Variants in CEP112 observed in about 807,000 individuals in gnomAD.
CEP112 encodes centrosomal protein 112, also known as centrosomal protein of 112 kDa.
In CEP112, 127 loss-of-function variants were observed where a neutral mutation model predicts 153.0. That is an observed-to-expected ratio of 0.83 (90% confidence interval 0.72 to 0.96). CEP112 has a LOEUF of 0.96. CEP112 is among the 40% of genes least tolerant of loss of function. The pLI is 0.00. For missense variants in CEP112, 1,089 were observed against 1,101.2 expected (o/e 0.99, Z 0.16); for synonymous variants, 358 against 374.4 (o/e 0.96, Z 0.51).
intron 16 of CEP112, among the ~76,000 whole-genome samples, chr17:66,024,937 TA>T (rs1222089287): frequency 6.6e-6 from 1 of 151,576 alleles, no homozygotes; most frequent in African/African-American, 2.4e-5. Flanking sequence ...GGAACTGGCA[TA>T]AAAATAGATC....
chr17:65,701,199 C>T (rs541712405), intron 23 of CEP112, among the ~76,000 whole-genome samples: 1 of 152,226 alleles, frequency 6.6e-6, no homozygotes, highest in East Asian at 1.9e-4. Flanking sequence ...GCCGGGATGG[C>T]AGCAGAGCCA....
In CEP112 at chr17:65,913,670, GT is replaced by G. The variant is rs1214380942; in HGVS notation, c.1981-11337del. On this transcript the variant is annotated intron_variant, in intron 19 of 26. Coordinates refer to ENST00000535342, the MANE Select transcript of CEP112 (RefSeq NM_001199165.4). ...GCTGTGATAACCGCTGTTAGAGATGGTACCAGGGCCTGCCAGCATACACTGC... is the reference window on the plus strand; with the variant it reads ...GCTGTGATAACCGCTGTTAGAGATGGACCAGGGCCTGCCAGCATACACTGC... 4 of 985,218 alleles carry G rather than the reference GT, an allele frequency of 4.1e-6. No homozygotes were observed. The African/African-American group carries it at 7.0e-5, about 17-fold the overall frequency. The allele number at this position is 985,218 out of a possible 1,614,324, so 61.0% of individuals were successfully genotyped here.
intron 4 of CEP112, among the ~76,000 whole-genome samples, chr17:66,151,031 C>T (rs2071187496): frequency 6.6e-6 from 1 of 152,118 alleles, no homozygotes; most frequent in Admixed American, 6.6e-5. Context: ...CTTATTGTTT[C>T]CATGATACAT....
chr17:66,044,811 C>T (rs1445101652), intron 12 of CEP112, among the ~76,000 whole-genome samples: 1 of 151,944 alleles, frequency 6.6e-6, no homozygotes, highest in African/African-American at 2.4e-5. Flanking sequence ...GTACTTAATG[C>T]CACTGAACTA....
chr17:65,918,994 C>T (rs1268540269), intron 19 of CEP112, among the ~76,000 whole-genome samples: 2 of 152,194 alleles, frequency 1.3e-5, no homozygotes, highest in Admixed American at 6.5e-5. Flanking sequence ...CTCTGAATGT[C>T]AGTCAGTTCC....
intron 4 of CEP112, among the ~76,000 whole-genome samples, chr17:66,142,546 C>T (rs2146621192): frequency 6.6e-6 from 1 of 152,206 alleles, no homozygotes; most frequent in Admixed American, 6.5e-5. Context: ...AGATAAGGGC[C>T]AAATTTTCTT....
chr17:65,893,429 T>C lies in CEP112; in HGVS notation c.2163+8723A>G, dbSNP rs571246786. On this transcript the variant is annotated intron_variant, in intron 20 of 26. Coordinates refer to ENST00000535342, the MANE Select transcript of CEP112 (RefSeq NM_001199165.4). ...TTGTGTATTGTTTCTTTGTGATTTC[T>C]TATGATTTTTCCCAACCTCCCAATA... Among the ~76,000 whole-genome samples the C allele has an allele frequency of 1.6e-4, 25 of 152,254 alleles. No individual in the cohort carries two copies. In the South Asian group the frequency reaches 5.0e-3, roughly 30 times the overall value.
At chr17:65,870,025 G>GAAAC (rs1258622233) in intron 20 of CEP112, among the ~76,000 whole-genome samples, 1 of 54,114 alleles carries the variant, frequency 1.8e-5, no homozygotes, top group Non-Finnish European at 4.4e-5. Context: ...AAGAAAGAAA[G>GAAAC]AAAGAAAGAA....
chr17:66,190,053 G>T (rs2073105566), intron 1 of CEP112, among the ~76,000 whole-genome samples: 1 of 151,710 alleles, frequency 6.6e-6, no homozygotes, highest in Non-Finnish European at 1.5e-5. Flanking sequence ...AAATGGAACG[G>T]GTGCAGTGGC....
intron 4 of CEP112, among the ~76,000 whole-genome samples, chr17:66,149,546 T>C (rs2071074099): frequency 6.6e-6 from 1 of 152,186 alleles, no homozygotes; most frequent in Non-Finnish European, 1.5e-5. Context: ...CTTCATAATT[T>C]AGTCTTGGTA....
At chr17:65,881,052 T>C (rs1446237029) in intron 20 of CEP112, among the ~76,000 whole-genome samples, 1 of 152,038 alleles carries the variant, frequency 6.6e-6, no homozygotes, top group Non-Finnish European at 1.5e-5. Context: ...CTGTCTCTAC[T>C]AAAATACAAA....
At chr17:65,671,286 G>A (rs997314677) in intron 24 of CEP112, among the ~76,000 whole-genome samples, 1 of 152,174 alleles carries the variant, frequency 6.6e-6, no homozygotes, top group Non-Finnish European at 1.5e-5. Flanking sequence ...GGGAAATTGG[G>A]AGGTAGCATC....
intron 20 of CEP112, among the ~76,000 whole-genome samples, chr17:65,884,155 C>T (rs1018436558): frequency 6.6e-6 from 1 of 151,778 alleles, no homozygotes; most frequent in African/African-American, 2.4e-5. Flanking sequence ...AACATGAATA[C>T]AGAAAAAAAA....
In CEP112 at chr17:66,066,054, A is replaced by G. The variant is rs73992230; in HGVS notation, c.955+724T>C. 9.4e-3 allele frequency among the ~76,000 whole-genome samples: 1,438 copies of G among 152,258 alleles called. 20 individuals carry two copies. The highest frequency in any genetic ancestry group is 0.032 in the African/African-American group (1,315 of 41,540). ...TGCAACTCTTCTCTCCAACTAACCAAGACTTTAAAATTTCACAAAATTTTA... is the reference window on the plus strand; with the variant it reads ...TGCAACTCTTCTCTCCAACTAACCAGGACTTTAAAATTTCACAAAATTTTA... On this transcript the variant is annotated intron_variant, in intron 10 of 26. Coordinates refer to ENST00000535342, the MANE Select transcript of CEP112 (RefSeq NM_001199165.4).
intron 18 of CEP112, among the ~76,000 whole-genome samples, chr17:65,942,408 T>C (rs1030760988): frequency 2.0e-5 from 3 of 152,286 alleles, no homozygotes; most frequent in East Asian, 1.9e-4. Context: ...TATTTTTTTT[T>C]CCCTTATGTT....
chr17:66,182,818 A>T (rs1450287653), intron 2 of CEP112, among the ~76,000 whole-genome samples: 3 of 152,224 alleles, frequency 2.0e-5, no homozygotes, highest in Non-Finnish European at 4.4e-5. Flanking sequence ...AGGGCCGGAG[A>T]ACAGGAGAAC....
intron 18 of CEP112, among the ~76,000 whole-genome samples, chr17:65,942,055 C>A (rs548615882): frequency 3.7e-4 from 56 of 152,246 alleles, no homozygotes; most frequent in African/African-American, 1.3e-3. Context: ...GGTCCCCAAC[C>A]CCCAGGGCCA....
At chr17:65,737,667 G>A (rs2050881144) in intron 23 of CEP112, among the ~76,000 whole-genome samples, 1 of 152,208 alleles carries the variant, frequency 6.6e-6, no homozygotes, top group South Asian at 2.1e-4. Flanking sequence ...TTGTGCGCCA[G>A]CTCTGCCTTC....
chr17:65,878,632 G>T (rs1341789461), intron 20 of CEP112, among the ~76,000 whole-genome samples: 3 of 152,062 alleles, frequency 2.0e-5, no homozygotes, highest in Admixed American at 6.6e-5. Context: ...CGGAACTAGT[G>T]GGGAGGCTTC....
Sources: gnomAD v4.1 joint callset for allele counts (sites outside exome capture counted in the v4.1 genomes callset) on GRCh38, gnomAD v4.1.1 for gene constraint, MANE v1.5 for transcripts, NCBI Gene and HGNC (gene_info 2026-07-23, HGNC 2026-07-21) for gene names.